Variants in CCDC141 observed in about 807,000 individuals in gnomAD.
The protein encoded by CCDC141 is coiled-coil domain-containing protein 141.
A neutral mutation model predicts 181.0 loss-of-function variants in CCDC141; 168 were observed. That is an observed-to-expected ratio of 0.93 (90% CI 0.82 to 1.05). The LOEUF (loss-of-function observed/expected upper bound fraction) is 1.05, where lower values mean the gene tolerates loss of function less well. Among genes scored for constraint, CCDC141 ranks in the 50% least tolerant of loss-of-function variants. The pLI, the probability that CCDC141 is intolerant of heterozygous loss-of-function variation, is 0.00. For synonymous variants in CCDC141, 666 were observed against 642.3 expected (o/e 1.04, Z -0.56); for missense variants, 1,902 against 1,788.5 (o/e 1.06, Z -1.14).
chr2:178,832,677 T>C lies in CCDC141; in HGVS notation c.*1496A>G, dbSNP rs1684307185. 6.6e-6 allele frequency: 1 copy of C among 152,110 alleles called. No individual in the cohort carries two copies. The highest frequency in any genetic ancestry group is 2.4e-5 in the African/African-American group (1 of 41,450). The allele number at this position is 152,110 out of a possible 1,614,324, so 9.4% of individuals were successfully genotyped here. On this transcript the variant is annotated 3_prime_UTR_variant, in exon 24 of 24. Coordinates refer to ENST00000443758, the MANE Select transcript of CCDC141 (RefSeq NM_173648.4). Reference sequence around the variant, plus strand: ...TTTCACATCTTCAGATAACATTCAGTAACTTTTTAATAACAACTTGAATAC... The same window carrying C: ...TTTCACATCTTCAGATAACATTCAGCAACTTTTTAATAACAACTTGAATAC...
chr2:178,834,081 T>G lies in CCDC141; in HGVS notation c.*92A>C. The G allele has an allele frequency of 7.9e-7, 1 of 1,264,668 alleles. No individual in the cohort carries two copies. The highest frequency in any genetic ancestry group is 1.4e-5 in the South Asian group (1 of 71,052). The allele number at this position is 1,264,668 out of a possible 1,614,324, so 78.3% of individuals were successfully genotyped here. On this transcript the variant is annotated 3_prime_UTR_variant, in exon 24 of 24. Coordinates refer to ENST00000443758, the MANE Select transcript of CCDC141 (RefSeq NM_173648.4). ...GTGATCAGACTGGAGATACACTTGG[T>G]GGGAGATGCTTTGCAGGAGGTGCAG...
At chr2:178,964,235 G>A (rs1460552733) in intron 4 of CCDC141, among the ~76,000 whole-genome samples, 2 of 152,106 alleles carry the variant, frequency 1.3e-5, no homozygotes, top group African/African-American at 4.8e-5. Flanking sequence ...TGAAGAGCTT[G>A]TTATGATATT....
chr2:178,961,136 C>T (rs2154378941), intron 5 of CCDC141, 94 bp downstream of exon 5: 2 of 1,358,084 alleles, frequency 1.5e-6, no homozygotes, highest in Non-Finnish European at 2.0e-6. Flanking sequence ...AAGATTTGAC[C>T]ATGAAGACTG....
At chr2:178,838,997 A>G (rs1052841090) in intron 22 of CCDC141, among the ~76,000 whole-genome samples, 1 of 152,162 alleles carries the variant, frequency 6.6e-6, no homozygotes, top group African/African-American at 2.4e-5. Flanking sequence ...CTACTTACTT[A>G]GTATGTACTG....
At position 178,832,085 on chromosome 2, in the gene CCDC141, G is replaced by A. The variant is rs889700443; in HGVS notation, c.*2088C>T. On this transcript the variant is annotated 3_prime_UTR_variant, in exon 24 of 24. Transcript: ENST00000443758. ...GAGATCCTGCCAAATTAATAAGAAA[G>A]AGAAAGTGGGAAGAGAGACAGTTTG... 7 of 152,198 alleles carry A rather than the reference G, an allele frequency of 4.6e-5. No homozygotes were observed. The highest frequency in any genetic ancestry group is 1.4e-4 in the African/African-American group (6 of 41,442). The allele number at this position is 152,198 out of a possible 1,614,324, so 9.4% of individuals were successfully genotyped here.
At chr2:179,012,306 C>T (rs923794281) in intron 2 of CCDC141, among the ~76,000 whole-genome samples, 1 of 152,082 alleles carries the variant, frequency 6.6e-6, no homozygotes, top group Admixed American at 6.5e-5. Context: ...TAACTGACAC[C>T]ACTGAAATAT....
At chr2:178,995,587 A>G (rs896890319) in intron 2 of CCDC141, among the ~76,000 whole-genome samples, 1 of 152,238 alleles carries the variant, frequency 6.6e-6, no homozygotes, top group African/African-American at 2.4e-5. Flanking sequence ...AAAGAAATAA[A>G]ATTTATAATG....
At chr2:178,927,332 C>T (rs559024357) in intron 6 of CCDC141, among the ~76,000 whole-genome samples, 1 of 152,216 alleles carries the variant, frequency 6.6e-6, no homozygotes, top group Admixed American at 6.5e-5. Context: ...AACACAAGCT[C>T]AAACAGGAAG....
chr2:178,935,045 A>C (rs1448027738), intron 6 of CCDC141, among the ~76,000 whole-genome samples: 1 of 152,206 alleles, frequency 6.6e-6, no homozygotes, highest in Non-Finnish European at 1.5e-5. Flanking sequence ...GGAAGTTTAC[A>C]CTATGGATGG....
intron 2 of CCDC141, among the ~76,000 whole-genome samples, chr2:179,030,889 T>C (rs994269656): frequency 6.6e-6 from 1 of 152,036 alleles, no homozygotes; most frequent in African/African-American, 2.4e-5. Context: ...TCTCACAATT[T>C]TCGTTTTCAG....
At chr2:178,914,898 G>A (rs1161996061) in intron 7 of CCDC141, among the ~76,000 whole-genome samples, 12 of 152,106 alleles carry the variant, frequency 7.9e-5, no homozygotes, top group South Asian at 6.2e-4. Flanking sequence ...GAAAATGAAA[G>A]GAGGTGGGGT....
In CCDC141 at chr2:178,975,046, A is replaced by G. The variant is rs577503993; in HGVS notation, c.526+11T>C. 5.3e-6 allele frequency: 7 copies of G among 1,331,200 alleles called. No individual in the cohort carries two copies. The highest frequency in any genetic ancestry group is 2.9e-5 in the African/African-American group (2 of 69,306). 82.5% of individuals were successfully genotyped at this position (1,331,200 alleles called of 1,614,324 possible). ...CTAAACACTTCTGTGAGAAATAAAC[A>G]TATTTCTTGCCTTTAGTATGATGTT... On this transcript the variant is annotated intron_variant, in intron 4 of 23. Coordinates refer to ENST00000443758, the MANE Select transcript of CCDC141 (RefSeq NM_173648.4).
chr2:179,029,170 T>A (rs982850745), intron 2 of CCDC141, among the ~76,000 whole-genome samples: 9 of 152,190 alleles, frequency 5.9e-5, no homozygotes, highest in Non-Finnish European at 1.2e-4. Flanking sequence ...TCTTTACCCA[T>A]CACTTCTTTT....
At chr2:179,017,114 C>T (rs560596757) in intron 2 of CCDC141, among the ~76,000 whole-genome samples, 3 of 152,086 alleles carry the variant, frequency 2.0e-5, no homozygotes, top group African/African-American at 7.2e-5. Context: ...AAATTTTCTA[C>T]TTTATCCAGA....
intron 5 of CCDC141, among the ~76,000 whole-genome samples, chr2:178,953,186 C>T (rs1292868779): frequency 6.6e-6 from 1 of 152,150 alleles, no homozygotes; most frequent in Non-Finnish European, 1.5e-5. Flanking sequence ...CCTATAATCC[C>T]AGCACTTTGG....
At chr2:178,944,038 G>A (rs941731819) in intron 6 of CCDC141, among the ~76,000 whole-genome samples, 3 of 152,128 alleles carry the variant, frequency 2.0e-5, no homozygotes, top group African/African-American at 7.2e-5. Flanking sequence ...ACATCTCAGT[G>A]TAGAAAAAAA....
chr2:178,852,403 T>C (rs1206171793), intron 20 of CCDC141, among the ~76,000 whole-genome samples: 3 of 152,204 alleles, frequency 2.0e-5, no homozygotes, highest in Non-Finnish European at 2.9e-5. Context: ...GGAGGAAACA[T>C]ATATCAGGCT....
rs1691223070 is a variant in CCDC141, at chr2:178,978,520, A to C, written c.381T>G (p.Leu127=). Reference sequence around the variant, plus strand: ...TTTCAAAAAATTCAGAAGTCAACCTAAGGAGCTCTGTTCTTCTTTCAAGCA... The same window carrying C: ...TTTCAAAAAATTCAGAAGTCAACCTCAGGAGCTCTGTTCTTCTTTCAAGCA... ...VSMLERRTEL[L]RLTSEFFENA... The change falls in exon 3 of 24, where the codon CTT becomes CTG. Residue 127 remains leucine, a synonymous_variant. Transcript: ENST00000443758. 6.5e-7 allele frequency: 1 copy of C among 1,528,316 alleles called. No individual in the cohort carries two copies. 94.7% of individuals were successfully genotyped at this position (1,528,316 alleles called of 1,614,324 possible).
At position 179,000,774 on chromosome 2, in the gene CCDC141, AT is replaced by A. The variant is rs2041947010; in HGVS notation, c.226-22100del. Among the ~76,000 whole-genome samples the A allele has an allele frequency of 2.0e-5, 3 of 152,300 alleles. 1 individual carries two copies. The highest frequency in any genetic ancestry group is 7.2e-5 in the African/African-American group (3 of 41,590). On this transcript the variant is annotated intron_variant, in intron 2 of 23. Coordinates refer to ENST00000443758, the MANE Select transcript of CCDC141 (RefSeq NM_173648.4). ...GACCCCTCTTGTGTTCATAAAATAA[AT>A]TTTTAAAAGTGAAATTACTGGGTTA...
Sources: allele counts gnomAD v4.1 joint callset (sites outside exome capture counted in the v4.1 genomes callset), GRCh38; gene constraint gnomAD v4.1.1; transcripts MANE v1.5; gene names NCBI Gene and HGNC (gene_info 2026-07-23, HGNC 2026-07-21).